DGAT2L6: variants seen among roughly 807,000 people sequenced by gnomAD.
DGAT2L6 encodes diacylglycerol O-acyltransferase 2 like 6, also known as diacylglycerol O-acyltransferase 2-like protein 6.
Under a neutral mutation model 25.5 loss-of-function variants are expected in DGAT2L6, and 22 were observed. The ratio of observed to expected loss-of-function variants is 0.86; its 90% CI spans 0.62 to 1.23. The LOEUF is 1.23. Among genes scored for constraint, DGAT2L6 ranks in the 50% most tolerant of loss-of-function variants. The pLI, the probability that DGAT2L6 is intolerant of heterozygous loss-of-function variation, is 0.00. For synonymous variants in DGAT2L6, 100 were observed against 94.7 expected, an observed-to-expected ratio of 1.06 and a Z score of -0.32; for missense variants, 287 against 253.2, an observed-to-expected ratio of 1.13 and a Z score of -0.91.
At chrX:70,204,684 A>T (rs2085422699) in intron 6 of DGAT2L6, among the ~76,000 whole-genome samples, 168 bp downstream of exon 6, 1 of 112,095 alleles carries the variant, frequency 8.9e-6, no homozygotes, top group Middle Eastern at 4.6e-3. Context: ...GTGGCCATTC[A>T]TGGATGTGAC....
At chrX:70,181,785 A>G (rs1214705827) in intron 1 of DGAT2L6, among the ~76,000 whole-genome samples, 1 of 112,087 alleles carries the variant, frequency 8.9e-6, no homozygotes, top group Non-Finnish European at 1.9e-5. Context: ...AGAAATTATT[A>G]CATAAGTTGA....
At position 70,205,190 on chromosome X, in the gene DGAT2L6, G is replaced by T; in HGVS notation, c.*84G>T. The T allele has an allele frequency of 3.0e-6, 3 of 1,005,641 alleles. No homozygotes were observed. The highest frequency in any genetic ancestry group is 3.9e-6 in the Non-Finnish European group (3 of 769,907). 82.9% of individuals were successfully genotyped at this position (1,005,641 alleles called of 1,213,427 possible). On this transcript the variant is annotated 3_prime_UTR_variant, in exon 7 of 7. Coordinates refer to ENST00000333026, the MANE Select transcript of DGAT2L6 (RefSeq NM_198512.3). Reference sequence around the variant, plus strand: ...ACAGAAAAAGAAGAATTCCAGGAGAGGGAAAGATCGTAAGGATGAGAGAGG... The same window carrying T: ...ACAGAAAAAGAAGAATTCCAGGAGATGGAAAGATCGTAAGGATGAGAGAGG...
At chrX:70,199,232 A>C (rs2085401288) in intron 1 of DGAT2L6, 39 bp from the exon 2 acceptor site, 1 of 968,952 alleles carries the variant, frequency 1.0e-6, no homozygotes, top group Non-Finnish European at 1.4e-6. Flanking sequence ...CTAAAACTTG[A>C]AGGGAACTGA....
chrX:70,199,729 T>C, intron 2 of DGAT2L6, 83 bp from the exon 3 acceptor site: 1 of 970,591 alleles, frequency 1.0e-6, no homozygotes, highest in Non-Finnish European at 1.4e-6. Context: ...ACCTGAGGAC[T>C]GCAGGCAGAA....
chrX:70,181,367 C>T (rs1444115010), intron 1 of DGAT2L6, among the ~76,000 whole-genome samples: 1 of 112,290 alleles, frequency 8.9e-6, no homozygotes, highest in Non-Finnish European at 1.9e-5. Context: ...GACTGATTAG[C>T]TTTACCATTC....
At chrX:70,187,375 T>G (rs2085362894) in intron 1 of DGAT2L6, among the ~76,000 whole-genome samples, 1 of 103,592 alleles carries the variant, frequency 9.7e-6, no homozygotes, top group Non-Finnish European at 1.9e-5. Flanking sequence ...TTGAAGGAGC[T>G]GAAAAAAATA....
intron 1 of DGAT2L6, among the ~76,000 whole-genome samples, chrX:70,198,879 T>C (rs2085400237): frequency 8.9e-6 from 1 of 112,261 alleles, no homozygotes; most frequent in Admixed American, 9.4e-5. Flanking sequence ...TGCTGGAATA[T>C]GCAGACTTAT....
intron 4 of DGAT2L6, among the ~76,000 whole-genome samples, chrX:70,200,810 C>G (rs745620749): frequency 3.2e-4 from 36 of 111,961 alleles, no homozygotes; most frequent in Middle Eastern, 4.6e-3. Flanking sequence ...AATGGGATAG[C>G]TCAGGCGAAC....
At chrX:70,188,566 A>C (rs1475833920) in intron 1 of DGAT2L6, among the ~76,000 whole-genome samples, 1 of 111,293 alleles carries the variant, frequency 9.0e-6, no homozygotes, top group Admixed American at 9.5e-5. Flanking sequence ...AAATATCACG[A>C]ATTCTATGCA....
intron 1 of DGAT2L6, among the ~76,000 whole-genome samples, chrX:70,178,365 G>A (rs2085333186): frequency 9.0e-6 from 1 of 111,103 alleles, no homozygotes; most frequent in African/African-American, 3.3e-5. Flanking sequence ...GAAAGAGCCA[G>A]TTGTTCTGTG....
At chrX:70,195,828 T>G (rs994491638) in intron 1 of DGAT2L6, among the ~76,000 whole-genome samples, 3 of 111,402 alleles carry the variant, frequency 2.7e-5, no homozygotes, top group Non-Finnish European at 5.7e-5. Flanking sequence ...AAGGAAAAAT[T>G]TGTCAAAGGG....
intron 1 of DGAT2L6, among the ~76,000 whole-genome samples, chrX:70,181,927 G>A (rs2147601590): frequency 1.8e-5 from 2 of 111,869 alleles, no homozygotes; most frequent in Admixed American, 1.9e-4. Flanking sequence ...CTAAGTCTCA[G>A]TATCCCCATC....
At chrX:70,202,249 T>A (rs1180463984) in intron 5 of DGAT2L6, among the ~76,000 whole-genome samples, 185 bp downstream of exon 5, 1 of 112,126 alleles carries the variant, frequency 8.9e-6, no homozygotes, top group Admixed American at 9.4e-5. Flanking sequence ...CAGTGGGCAC[T>A]TTTCTTACTT....
chrX:70,195,440 G>A (rs1303769100), intron 1 of DGAT2L6, among the ~76,000 whole-genome samples: 1 of 90,452 alleles, frequency 1.1e-5, no homozygotes, highest in African/African-American at 4.1e-5. Context: ...GTGTCCACTG[G>A]CAGATGAATG....
At chrX:70,196,927 G>A (rs2085393964) in intron 1 of DGAT2L6, among the ~76,000 whole-genome samples, 1 of 112,193 alleles carries the variant, frequency 8.9e-6, no homozygotes, top group Non-Finnish European at 1.9e-5. Flanking sequence ...TTGGAGAAAT[G>A]CAAGTTAAAA....
At chrX:70,199,525 G>T in intron 2 of DGAT2L6, 144 bp downstream of exon 2, 1 of 487,708 alleles carries the variant, frequency 2.1e-6, no homozygotes. Flanking sequence ...GCTCAGCAGG[G>T]ACAGAGGTCT....
chrX:70,179,773 A>G (rs1483658092), intron 1 of DGAT2L6, among the ~76,000 whole-genome samples: 1 of 108,929 alleles, frequency 9.2e-6, no homozygotes, highest in Non-Finnish European at 1.9e-5. Context: ...TCGCCATGTT[A>G]GCCAAGCTGT....
chrX:70,181,327 C>T (rs763638978), intron 1 of DGAT2L6, among the ~76,000 whole-genome samples: 16 of 112,259 alleles, frequency 1.4e-4, no homozygotes, highest in African/African-American at 5.2e-4. Context: ...TTTTCATGTG[C>T]CTGTTGGCCA....
intron 1 of DGAT2L6, among the ~76,000 whole-genome samples, chrX:70,179,156 C>T (rs2085335572): frequency 8.9e-6 from 1 of 112,235 alleles, no homozygotes; most frequent in Admixed American, 9.5e-5. Context: ...GGTCCACAGC[C>T]TTCTCAAAAT....
Sources: gnomAD v4.1 joint callset for allele counts (sites outside exome capture counted in the v4.1 genomes callset) on GRCh38, gnomAD v4.1.1 for gene constraint, MANE v1.5 for transcripts, NCBI Gene and HGNC (gene_info 2026-07-23, HGNC 2026-07-21) for gene names.